The following PRKCA variants were observed in gnomAD, a reference collection of about 807,000 sequenced individuals.
PRKCA encodes protein kinase C alpha type.
In PRKCA, 27 loss-of-function variants were observed where a neutral mutation model predicts 87.0. The ratio of observed to expected loss-of-function variants is 0.31; its 90% CI spans 0.23 to 0.43. The LOEUF is 0.43. Ranked by LOEUF, PRKCA falls within the 20% of genes least tolerant of loss-of-function variation. The pLI is 1.00. For missense variants in PRKCA, 518 were observed against 852.3 expected, an observed-to-expected ratio of 0.61 and a Z score of 4.88; for synonymous variants, 329 against 311.1, an observed-to-expected ratio of 1.06 and a Z score of -0.61.
chr17:66,417,240 A>T (rs973890623), intron 2 of PRKCA, among the ~76,000 whole-genome samples: 11 of 152,068 alleles, frequency 7.2e-5, no homozygotes, highest in African/African-American at 2.7e-4. Flanking sequence ...GATTAATTGA[A>T]AATTATTAAA....
chr17:66,427,213 G>T (rs1038881447), intron 2 of PRKCA, among the ~76,000 whole-genome samples: 1 of 152,026 alleles, frequency 6.6e-6, no homozygotes, highest in African/African-American at 2.4e-5. Context: ...TGTATTTCTC[G>T]TAGAGACGAG....
chr17:66,448,858 CAA>C (rs34347849), intron 2 of PRKCA, among the ~76,000 whole-genome samples: 157 of 145,072 alleles, frequency 1.1e-3, no homozygotes, highest in Middle Eastern at 7.4e-3. Context: ...GAGATTCTGG[CAA>C]AAAAAAAAAA....
intron 2 of PRKCA, among the ~76,000 whole-genome samples, chr17:66,313,542 CAA>C (rs780179008): frequency 2.6e-5 from 4 of 152,044 alleles, no homozygotes; most frequent in Non-Finnish European, 5.9e-5. Context: ...ACAAATAAAA[CAA>C]GAGTGTATCA....
intron 2 of PRKCA, among the ~76,000 whole-genome samples, chr17:66,470,503 C>T (rs1271373455): frequency 6.6e-6 from 1 of 152,208 alleles, no homozygotes; most frequent in South Asian, 2.1e-4. Context: ...GCTGGGATTA[C>T]AGGCTTGAGT....
chr17:66,654,192 T>C (rs1471412235), intron 5 of PRKCA, among the ~76,000 whole-genome samples: 2 of 152,162 alleles, frequency 1.3e-5, no homozygotes, highest in Non-Finnish European at 2.9e-5. Context: ...GCCTGGCATC[T>C]TGCAAATGGA....
chr17:66,719,263 C>G (rs1973554754), intron 8 of PRKCA, among the ~76,000 whole-genome samples: 1 of 151,908 alleles, frequency 6.6e-6, no homozygotes, highest in Non-Finnish European at 1.5e-5. Context: ...TGCAGTCACT[C>G]AAATCATGTG....
intron 2 of PRKCA, among the ~76,000 whole-genome samples, chr17:66,364,986 C>T (rs186223655): frequency 3.3e-4 from 50 of 152,202 alleles, no homozygotes; most frequent in African/African-American, 1.0e-3. Flanking sequence ...GCAGTAGTTT[C>T]CATTGTATGT....
chr17:66,390,164 G>A (rs541122551), intron 2 of PRKCA, among the ~76,000 whole-genome samples: 1 of 152,254 alleles, frequency 6.6e-6, no homozygotes, highest in Non-Finnish European at 1.5e-5. Flanking sequence ...GGAGGGTGCA[G>A]TGACCTGAGA....
intron 5 of PRKCA, among the ~76,000 whole-genome samples, chr17:66,681,258 T>A (rs1032039959): frequency 6.6e-6 from 1 of 152,106 alleles, no homozygotes; most frequent in African/African-American, 2.4e-5. Context: ...TCTGGACCGT[T>A]CTCTGAACGG....
intron 5 of PRKCA, among the ~76,000 whole-genome samples, chr17:66,662,798 G>T (rs530888791): frequency 2.0e-5 from 3 of 152,148 alleles, no homozygotes; most frequent in African/African-American, 7.2e-5. Context: ...TAACAGCAAG[G>T]CTGGAAAGAA....
At chr17:66,379,979 G>A (rs1231731915) in intron 2 of PRKCA, among the ~76,000 whole-genome samples, 2 of 152,090 alleles carry the variant, frequency 1.3e-5, no homozygotes, top group African/African-American at 2.4e-5. Flanking sequence ...AATGGACTGT[G>A]ATACTCAGCT....
chr17:66,477,897 T>C lies in PRKCA; in HGVS notation c.206-18304T>C, dbSNP rs1417668269. Among the ~76,000 whole-genome samples, 3 of 152,206 alleles carry C rather than the reference T, an allele frequency of 2.0e-5. No homozygotes were observed. The East Asian group carries it at 5.8e-4, about 29-fold the overall frequency. ...CATTCTCTAACTGGGCAGACTTCTT[T>C]CGGATGTATTTATTGGTGGACTCTA... On this transcript the variant is annotated intron_variant, in intron 2 of 16. Coordinates refer to ENST00000413366, the MANE Select transcript of PRKCA (RefSeq NM_002737.3).
At chr17:66,589,236 G>C (rs954223086) in intron 3 of PRKCA, among the ~76,000 whole-genome samples, 1 of 152,122 alleles carries the variant, frequency 6.6e-6, no homozygotes. Flanking sequence ...CCACCAAAAA[G>C]CACAATTCTG....
rs1245282523 is a variant in PRKCA at position 66,689,268 on chromosome 17, T to TA, written c.918+222dup. Among the ~76,000 whole-genome samples the TA allele has an allele frequency of 1.3e-5, 2 of 152,220 alleles. No homozygotes were observed. ...CCACTTAGAAAATGGAAACTGGAAA[T>TA]ATCGCAGAACTGAGAGCATGGTTGA... On this transcript the variant is annotated intron_variant, in intron 8 of 16. Transcript: ENST00000413366. This position sits in a 1 kb window ranked among gnomAD's most constrained non-coding sequence, Gnocchi z 4.1.
intron 13 of PRKCA, among the ~76,000 whole-genome samples, chr17:66,765,454 A>ATATATATATATCTATATATATC (rs1218360664): frequency 1.5e-5 from 2 of 130,090 alleles, no homozygotes; most frequent in African/African-American, 5.8e-5. Context: ...ATATATATAT[A>ATATATATATATCTATATATATC]TCCATATATA....
At chr17:66,739,699 C>A (rs1465986097) in intron 11 of PRKCA, among the ~76,000 whole-genome samples, 1 of 151,556 alleles carries the variant, frequency 6.6e-6, no homozygotes, top group African/African-American at 2.4e-5. Flanking sequence ...GAGGCAGAAG[C>A]AAGTCCAGGG....
intron 3 of PRKCA, among the ~76,000 whole-genome samples, chr17:66,573,887 G>A (rs1301864406): frequency 6.6e-6 from 1 of 152,188 alleles, no homozygotes; most frequent in Non-Finnish European, 1.5e-5. Flanking sequence ...CTCCTCGGGA[G>A]GCTGAGACTG....
In PRKCA at chr17:66,695,341, G is replaced by GTTTGCTCAT. The variant is rs1315174514; in HGVS notation, c.918+6302_918+6310dup. Among the ~76,000 whole-genome samples the GTTTGCTCAT allele has an allele frequency of 7.9e-5, 12 of 152,284 alleles. No homozygotes were observed. The East Asian group carries it at 2.3e-3, about 29-fold the overall frequency. On this transcript the variant is annotated intron_variant, in intron 8 of 16. Transcript: ENST00000413366. Reference sequence around the variant, plus strand: ...TCAGATTTCACAAAACGAAACATACGTTTGCTCATTTTGCTCCAGTATCAC... The same window carrying GTTTGCTCAT: ...TCAGATTTCACAAAACGAAACATACGTTTGCTCATTTTGCTCATTTTGCTCCAGTATCAC...
chr17:66,515,680 A>G (rs370378111), intron 3 of PRKCA, among the ~76,000 whole-genome samples: 15 of 152,152 alleles, frequency 9.9e-5, no homozygotes, highest in East Asian at 9.7e-4. Context: ...AGTAGCTGGG[A>G]CTGCAGGAGT....
Sources: allele counts gnomAD v4.1 joint callset (sites outside exome capture counted in the v4.1 genomes callset), GRCh38; gene constraint gnomAD v4.1.1; non-coding constraint Gnocchi (gnomAD v3.1); transcripts MANE v1.5; gene names NCBI Gene and HGNC (gene_info 2026-07-23, HGNC 2026-07-21).